The following EFCAB8 variants were observed in gnomAD, a reference collection of about 807,000 sequenced individuals.
EFCAB8 encodes EF-hand calcium-binding domain-containing protein 8.
A neutral mutation model predicts 116.3 loss-of-function variants in EFCAB8; 100 were observed. The ratio of observed to expected loss-of-function variants is 0.86; its 90% confidence interval spans 0.73 to 1.02. The LOEUF (loss-of-function observed/expected upper bound fraction) is 1.02. Ranked by LOEUF, EFCAB8 falls within the 50% of genes least tolerant of loss-of-function variation. EFCAB8 has a pLI of 0.00. For missense variants in EFCAB8, 1,320 were observed against 1,416.9 expected (o/e 0.93, Z 1.10); for synonymous variants, 558 against 567.9 (o/e 0.98, Z 0.25).
chr20:32,915,066 TA>T (rs952864876), intron 17 of EFCAB8, among the ~76,000 whole-genome samples: 102 of 151,822 alleles, frequency 6.7e-4, no homozygotes, highest in Non-Finnish European at 1.2e-3. Context: ...CCTTGCTAAT[TA>T]AAAAAAAAAT....
rs368636804 is a variant in EFCAB8 at position 32,859,743 on chromosome 20, CTAAA to C, written c.-11+740_-11+743del. On this transcript the variant is annotated intron_variant, in intron 1 of 26. Coordinates refer to ENST00000400522, the MANE Select transcript of EFCAB8 (RefSeq NM_001143967.2). Reference sequence around the variant, plus strand: ...TTACAGACATCATGCCCTTTTACCCCTAAATACTTTTCAGTGTACATTTCCTGAA... The same window carrying C: ...TTACAGACATCATGCCCTTTTACCCCTACTTTTCAGTGTACATTTCCTGAA... Among the ~76,000 whole-genome samples, 407 of 152,284 alleles carry C rather than the reference CTAAA, an allele frequency of 2.7e-3. 1 individual carries two copies. Among genetic ancestry groups the C allele is most frequent in the African/African-American group, 9.1e-3 (379 of 41,558 alleles).
intron 22 of EFCAB8, among the ~76,000 whole-genome samples, chr20:32,934,664 G>A (rs776971828): frequency 1.3e-5 from 2 of 152,102 alleles, no homozygotes; most frequent in Non-Finnish European, 2.9e-5. Flanking sequence ...TCGTGGGGGT[G>A]GGTTTTTCCC....
At chr20:32,879,709 C>T (rs1053858502) in intron 5 of EFCAB8, among the ~76,000 whole-genome samples, 9 of 152,074 alleles carry the variant, frequency 5.9e-5, no homozygotes, top group Non-Finnish European at 1.5e-5. Context: ...ATAGCAAGGA[C>T]GTTAGTTCAG....
chr20:32,878,641 G>A, intron 4 of EFCAB8, 63 bp from the exon 5 acceptor site: 3 of 1,357,594 alleles, frequency 2.2e-6, no homozygotes, highest in South Asian at 1.3e-5. Flanking sequence ...CCGAGTTCTT[G>A]AAACTGAAGG....
intron 20 of EFCAB8, among the ~76,000 whole-genome samples, chr20:32,923,161 G>A (rs1987530295): frequency 6.6e-6 from 1 of 152,062 alleles, no homozygotes; most frequent in Admixed American, 6.6e-5. Flanking sequence ...TCCAGCCTGG[G>A]CAACACAGCT....
intron 10 of EFCAB8, 116 bp from the exon 11 acceptor site, chr20:32,898,377 A>G (rs1439635815): frequency 3.2e-6 from 2 of 626,218 alleles, no homozygotes; most frequent in Non-Finnish European, 5.9e-6. Context: ...GGAGAAGGGC[A>G]TTAGACTCCG....
At chr20:32,926,788 A>C (rs1987691847) in intron 20 of EFCAB8, among the ~76,000 whole-genome samples, 1 of 144,840 alleles carries the variant, frequency 6.9e-6, no homozygotes, top group African/African-American at 2.6e-5. Context: ...GCGATAGTTT[A>C]CTGAGAATGA....
chr20:32,955,800 G>C (rs992459437), intron 23 of EFCAB8, among the ~76,000 whole-genome samples: 1 of 152,090 alleles, frequency 6.6e-6, no homozygotes, highest in African/African-American at 2.4e-5. Context: ...GCCTGCCCAT[G>C]TAAGGGAGGG....
intron 11 of EFCAB8, among the ~76,000 whole-genome samples, chr20:32,903,910 GCCCC>G (rs1258078335): frequency 5.3e-5 from 8 of 152,166 alleles, no homozygotes; most frequent in Non-Finnish European, 1.0e-4. Context: ...CCTGGCTTAG[GCCCC>G]CCGGGAGTGG....
intron 1 of EFCAB8, among the ~76,000 whole-genome samples, chr20:32,861,444 A>C (rs1984110516): frequency 6.6e-6 from 1 of 152,054 alleles, no homozygotes; most frequent in African/African-American, 2.4e-5. Context: ...ATCCACCACC[A>C]CACCCAGCTA....
chr20:32,873,331 G>A (rs964425168), intron 3 of EFCAB8, among the ~76,000 whole-genome samples: 3 of 151,426 alleles, frequency 2.0e-5, no homozygotes, highest in African/African-American at 4.9e-5. Flanking sequence ...CACCTGCCTC[G>A]GCCTCCCAAA....
intron 7 of EFCAB8, among the ~76,000 whole-genome samples, chr20:32,890,812 A>G (rs997997957): frequency 1.3e-5 from 2 of 152,264 alleles, no homozygotes; most frequent in African/African-American, 2.4e-5. Context: ...CTTTACCCAG[A>G]GGTAAAATGG....
chr20:32,931,108 A>C, intron 21 of EFCAB8, 70 bp from the exon 22 acceptor site: 1 of 1,314,242 alleles, frequency 7.6e-7, no homozygotes, highest in Non-Finnish European at 1.0e-6. Flanking sequence ...ATGGTCTGGG[A>C]GGAGCCCGCA....
chr20:32,947,186 G>A (rs1988622736), intron 23 of EFCAB8, among the ~76,000 whole-genome samples: 1 of 152,118 alleles, frequency 6.6e-6, no homozygotes, highest in Non-Finnish European at 1.5e-5. Context: ...TGACCAAACT[G>A]TTTTGCATTT....
chr20:32,942,318 T>G (rs549172062), intron 22 of EFCAB8, among the ~76,000 whole-genome samples: 1 of 152,346 alleles, frequency 6.6e-6, no homozygotes, highest in South Asian at 2.1e-4. Flanking sequence ...TATAACTTTA[T>G]GAATTGTCTC....
rs1189279844 is a variant in EFCAB8, at chr20:32,961,538, G to A, written c.3796G>A (p.Glu1266Lys). The A allele has an allele frequency of 2.8e-6, 4 of 1,411,754 alleles. No individual in the cohort carries two copies. Among genetic ancestry groups the A allele is most frequent in the South Asian group, 1.8e-5 (1 of 55,906 alleles). 87.5% of individuals were successfully genotyped at this position (1,411,754 alleles called of 1,614,324 possible). A position where few individuals can be genotyped will look rare whatever the true frequency, so the allele number is the denominator to read the frequency against. ...CCCCAAGCACATTGTCTCCTCCTTC[G>A]AGCGGCCCCCAAGGCCTCTGAAGGC... ...VTPKHIVSSF[E>K]RPPRPLKATF... The change falls in exon 27 of 27, where the codon GAG becomes AAG. Residue 1266 changes from glutamate (E) to lysine (K), a missense_variant. Transcript: ENST00000400522.
chr20:32,879,640 G>A (rs1255226098), intron 5 of EFCAB8, among the ~76,000 whole-genome samples: 1 of 152,150 alleles, frequency 6.6e-6, no homozygotes, highest in African/African-American at 2.4e-5. Context: ...AGGGTGGAAA[G>A]CTGTGGAAAA....
At chr20:32,896,393 T>C (rs1986159938) in intron 9 of EFCAB8, 61 bp from the exon 10 acceptor site, 1 of 707,910 alleles carries the variant, frequency 1.4e-6, no homozygotes, top group Non-Finnish European at 2.6e-6. Flanking sequence ...CTTCTGAGGC[T>C]TTGCTTGCCA....
At chr20:32,957,829 T>C (rs143544209) in intron 23 of EFCAB8, among the ~76,000 whole-genome samples, 73 of 151,830 alleles carry the variant, frequency 4.8e-4, no homozygotes, top group African/African-American at 1.6e-3. Context: ...GAAAGACTTG[T>C]CCCTTTCTGT....
Sources: gnomAD v4.1 joint callset for allele counts (sites outside exome capture counted in the v4.1 genomes callset) on GRCh38, gnomAD v4.1.1 for gene constraint, MANE v1.5 for transcripts, NCBI Gene and HGNC (gene_info 2026-07-23, HGNC 2026-07-21) for gene names.